Variants in MACROD2 observed in about 807,000 individuals in gnomAD.
MACROD2 encodes the protein mono-ADP ribosylhydrolase 2, also known as ADP-ribose glycohydrolase MACROD2.
In MACROD2, 36 loss-of-function variants were observed where a neutral mutation model predicts 70.4. The observed-to-expected ratio is 0.51, with a 90% confidence interval of 0.39 to 0.68. The LOEUF is 0.68. Among genes scored for constraint, MACROD2 ranks in the 30% least tolerant of loss-of-function variants. The pLI is 0.00. For missense variants in MACROD2, 496 were observed against 538.4 expected (o/e 0.92, Z 0.78); for synonymous variants, 172 against 178.8 (o/e 0.96, Z 0.30).
rs143510603 is a variant in MACROD2 at position 14,807,886 on chromosome 20, T to A, written c.418+122927T>A. 6.6e-4 allele frequency among the ~76,000 whole-genome samples: 101 copies of A among 151,930 alleles called. 2 individuals are homozygous for A. In the Middle Eastern group the frequency reaches 0.017, roughly 26 times the overall value. ...AATGAAATAAAGTGTGAAGACAAGATTAGAGAAAAAAACAATGAGAAAAAA... is the reference window on the plus strand; with the variant it reads ...AATGAAATAAAGTGTGAAGACAAGAATAGAGAAAAAAACAATGAGAAAAAA... On this transcript the variant is annotated intron_variant, in intron 5 of 17. Transcript: ENST00000684519.
chr20:15,850,794 C>T (rs62196573), intron 8 of MACROD2, among the ~76,000 whole-genome samples: 107 of 152,218 alleles, frequency 7.0e-4, no homozygotes, highest in South Asian at 2.1e-3. Context: ...TGGTCAGTGT[C>T]GGATGGGGCC....
chr20:15,958,777 G>A (rs2066015601), intron 12 of MACROD2, among the ~76,000 whole-genome samples: 1 of 152,178 alleles, frequency 6.6e-6, no homozygotes, highest in Non-Finnish European at 1.5e-5. Flanking sequence ...GGCTAGATGA[G>A]GTTATGAGGG....
chr20:15,330,995 G>A (rs2077985651), intron 6 of MACROD2, among the ~76,000 whole-genome samples: 1 of 151,458 alleles, frequency 6.6e-6, no homozygotes, highest in Admixed American at 6.6e-5. Context: ...TGAAAACGGA[G>A]GCAAAAATAC....
chr20:14,149,703 CATT>C (rs1426919330), intron 3 of MACROD2, among the ~76,000 whole-genome samples: 2 of 152,212 alleles, frequency 1.3e-5, no homozygotes, highest in African/African-American at 4.8e-5. Flanking sequence ...GATGGTATCT[CATT>C]GTGGTTTTGA....
chr20:15,601,845 A>T (rs935993316), intron 8 of MACROD2, among the ~76,000 whole-genome samples: 3 of 152,022 alleles, frequency 2.0e-5, no homozygotes, highest in Admixed American at 2.0e-4. Flanking sequence ...TGGCTAACAC[A>T]GTGAAACCCT....
At chr20:14,664,485 A>G (rs2070715283) in intron 4 of MACROD2, among the ~76,000 whole-genome samples, 1 of 152,116 alleles carries the variant, frequency 6.6e-6, no homozygotes. Context: ...ATGTAATAAC[A>G]TTAGAAGATT....
intron 12 of MACROD2, among the ~76,000 whole-genome samples, chr20:15,959,353 T>G (rs2066025516): frequency 6.6e-6 from 1 of 152,240 alleles, no homozygotes; most frequent in Non-Finnish European, 1.5e-5. Flanking sequence ...CCTGTTTTAC[T>G]TTGTATGACC....
chr20:15,546,389 A>G (rs1301982878), intron 8 of MACROD2, among the ~76,000 whole-genome samples: 2 of 152,192 alleles, frequency 1.3e-5, no homozygotes, highest in Non-Finnish European at 2.9e-5. Context: ...TATTATTTGC[A>G]TTGTAAGGAT....
chr20:14,065,319 ACT>A (rs750027728), intron 2 of MACROD2, among the ~76,000 whole-genome samples: 2 of 151,992 alleles, frequency 1.3e-5, no homozygotes, highest in African/African-American at 2.4e-5. Flanking sequence ...CTGTTGTATA[ACT>A]CTGCAGTCCT....
intron 3 of MACROD2, among the ~76,000 whole-genome samples, chr20:14,124,770 G>A (rs564223928): frequency 4.6e-5 from 7 of 152,170 alleles, no homozygotes; most frequent in South Asian, 2.1e-4. Flanking sequence ...AAACTTAACC[G>A]TGGAATGACC....
At chr20:14,961,885 A>G (rs7264238) in intron 5 of MACROD2, among the ~76,000 whole-genome samples, 66 of 152,338 alleles carry the variant, frequency 4.3e-4, no homozygotes, top group African/African-American at 1.5e-3. Flanking sequence ...AGAAAACCAT[A>G]TGACAATTAT....
chr20:14,745,341 C>T (rs1307374701), intron 5 of MACROD2, among the ~76,000 whole-genome samples: 6 of 152,086 alleles, frequency 3.9e-5, no homozygotes, highest in Admixed American at 3.9e-4. Context: ...TTGTATAGGC[C>T]TATATGAGTA....
intron 5 of MACROD2, among the ~76,000 whole-genome samples, chr20:14,857,810 G>T (rs866923434): frequency 2.0e-5 from 3 of 151,140 alleles, no homozygotes; most frequent in South Asian, 4.2e-4. Flanking sequence ...TGCTTTTTTT[G>T]TTTGTTTTGT....
chr20:15,751,808 C>G (rs1403584204), intron 8 of MACROD2, among the ~76,000 whole-genome samples: 2 of 151,002 alleles, frequency 1.3e-5, no homozygotes, highest in East Asian at 3.9e-4. Context: ...GGAAGAGTGA[C>G]ACAAAAACCA....
intron 8 of MACROD2, among the ~76,000 whole-genome samples, chr20:15,537,187 G>T (rs1194825936): frequency 6.6e-6 from 1 of 152,070 alleles, no homozygotes; most frequent in African/African-American, 2.4e-5. Context: ...GGTTTTATAA[G>T]ATTAAACCCC....
intron 4 of MACROD2, among the ~76,000 whole-genome samples, chr20:14,612,015 A>T (rs1983202234): frequency 6.6e-6 from 1 of 152,266 alleles, no homozygotes; most frequent in South Asian, 2.1e-4. Flanking sequence ...TAGAAATATG[A>T]TCTTTTTATT....
intron 5 of MACROD2, among the ~76,000 whole-genome samples, chr20:14,927,464 G>A (rs2074247080): frequency 2.0e-5 from 3 of 152,156 alleles, no homozygotes; most frequent in African/African-American, 7.2e-5. Context: ...CAGAAACTCT[G>A]GCACAGCTCC....
At chr20:15,757,968 T>C (rs891891939) in intron 8 of MACROD2, among the ~76,000 whole-genome samples, 10 of 152,202 alleles carry the variant, frequency 6.6e-5, no homozygotes, top group Admixed American at 6.5e-5. Context: ...TGACTTTGTA[T>C]CTACTCCTTC....
chr20:14,557,588 T>A (rs1979120554), intron 4 of MACROD2, among the ~76,000 whole-genome samples: 1 of 151,898 alleles, frequency 6.6e-6, no homozygotes, highest in South Asian at 2.1e-4. Flanking sequence ...TTTCTCCATA[T>A]AAGTTATTCA....
Sources: gnomAD v4.1 joint callset for allele counts (sites outside exome capture counted in the v4.1 genomes callset) on GRCh38, gnomAD v4.1.1 for gene constraint, MANE v1.5 for transcripts, NCBI Gene and HGNC (gene_info 2026-07-23, HGNC 2026-07-21) for gene names.